Variants in JARID2 observed in about 807,000 individuals in gnomAD.
JARID2 encodes jumonji and AT-rich interaction domain containing 2.
Under a neutral mutation model 125.6 loss-of-function variants are expected in JARID2, and 21 were observed. The observed-to-expected ratio is 0.17, with a 90% CI of 0.12 to 0.24. The LOEUF is 0.24. Ranked by LOEUF, JARID2 falls within the 10% of genes least tolerant of loss-of-function variation. The pLI, the probability that JARID2 is intolerant of heterozygous loss-of-function variation, is 1.00. For missense variants in JARID2, 1,303 were observed against 1,639.6 expected (o/e 0.79, Z 3.55); for synonymous variants, 736 against 661.6 (o/e 1.11, Z -1.73).
intron 1 of JARID2, among the ~76,000 whole-genome samples, chr6:15,319,894 C>A (rs1183018273): frequency 6.6e-6 from 1 of 152,200 alleles, no homozygotes; most frequent in African/African-American, 2.4e-5. Flanking sequence ...TGCTTCACTG[C>A]ATCATTTACC....
At chr6:15,380,825 G>A (rs1301981825) in intron 2 of JARID2, among the ~76,000 whole-genome samples, 1 of 152,100 alleles carries the variant, frequency 6.6e-6, no homozygotes, top group East Asian at 1.9e-4. Flanking sequence ...TCATAAAAAC[G>A]TATTTGTGAA....
At chr6:15,361,016 A>G (rs1403959241) in intron 1 of JARID2, among the ~76,000 whole-genome samples, 3 of 152,194 alleles carry the variant, frequency 2.0e-5, no homozygotes, top group East Asian at 1.9e-4. Context: ...AAACCACCCA[A>G]CTACATTCAT....
In JARID2 at chr6:15,520,385, T is replaced by C; in HGVS notation, c.*134T>C. ...AGATTTTCTTCTGGTTTTAGAGAAC[T>C]AATTTTGTTTTAGCATTAAACTGTT... On this transcript the variant is annotated 3_prime_UTR_variant, in exon 18 of 18. Transcript: ENST00000341776. 1.4e-6 allele frequency: 1 copy of C among 705,692 alleles called. No individual in the cohort carries two copies. 43.7% of individuals were successfully genotyped at this position (705,692 alleles called of 1,614,324 possible). A position where few individuals can be genotyped will look rare whatever the true frequency, so the allele number is the denominator to read the frequency against.
chr6:15,357,170 A>G (rs544445754), intron 1 of JARID2, among the ~76,000 whole-genome samples: 1 of 152,244 alleles, frequency 6.6e-6, no homozygotes, highest in Non-Finnish European at 1.5e-5. Context: ...GATGTCCTTC[A>G]TGGCCTAGGA....
At chr6:15,291,609 G>A (rs1297439890) in intron 1 of JARID2, among the ~76,000 whole-genome samples, 1 of 152,212 alleles carries the variant, frequency 6.6e-6, no homozygotes, top group Non-Finnish European at 1.5e-5. Context: ...GCATTCAGGA[G>A]CAGTGTGTGG....
intron 6 of JARID2, among the ~76,000 whole-genome samples, chr6:15,495,289 C>CT (rs1333875759): frequency 2.0e-5 from 3 of 152,204 alleles, no homozygotes; most frequent in Non-Finnish European, 4.4e-5. Flanking sequence ...AAGACTGTCT[C>CT]TGTTTGCCCA....
intron 3 of JARID2, among the ~76,000 whole-genome samples, chr6:15,415,805 CTGGCCGGGCGG>C (rs1766157721): frequency 7.2e-6 from 1 of 138,412 alleles, no homozygotes; most frequent in Non-Finnish European, 1.6e-5. Context: ...GACGGGGCGG[CTGGCCGGGCGG>C]GGGGCTGACC....
At chr6:15,344,950 A>G (rs1455326870) in intron 1 of JARID2, among the ~76,000 whole-genome samples, 1 of 152,182 alleles carries the variant, frequency 6.6e-6, no homozygotes, top group East Asian at 1.9e-4. Context: ...TTTTTTGACA[A>G]GCTCAATTGA....
intron 1 of JARID2, among the ~76,000 whole-genome samples, chr6:15,274,170 T>C (rs936261498): frequency 3.9e-5 from 6 of 152,210 alleles, no homozygotes; most frequent in Admixed American, 2.0e-4. Context: ...CCTCAGGTGA[T>C]CCTCCTGCCT....
chr6:15,519,866 A>G (rs1004628588), intron 17 of JARID2, among the ~76,000 whole-genome samples: 1 of 152,072 alleles, frequency 6.6e-6, no homozygotes, highest in Non-Finnish European at 1.5e-5. Flanking sequence ...TGAAACGGCC[A>G]TGCCTGCTAT....
At chr6:15,502,418 G>A (rs1005075778) in intron 8 of JARID2, among the ~76,000 whole-genome samples, 4 of 152,232 alleles carry the variant, frequency 2.6e-5, no homozygotes, top group African/African-American at 7.2e-5. Flanking sequence ...GAAGGGAAGC[G>A]TTCTCTGCTC....
chr6:15,507,540 G>A (rs1771062449), intron 11 of JARID2, 124 bp downstream of exon 11: 1 of 699,254 alleles, frequency 1.4e-6, no homozygotes, highest in South Asian at 1.8e-5. Context: ...AGGCTTACAG[G>A]ACATACAGTG....
rs1561921464 is a variant in JARID2, at chr6:15,517,126, CTCCTGACCTTCGGGTG to C, written c.3451-29_3451-14del. The C allele has an allele frequency of 6.5e-7, 1 of 1,531,366 alleles. No individual in the cohort carries two copies. Among genetic ancestry groups the C allele is most frequent in the South Asian group, 1.1e-5 (1 of 89,432 alleles). 94.9% of individuals were successfully genotyped at this position (1,531,366 alleles called of 1,614,324 possible). Reference sequence around the variant, plus strand: ...CCCTCCCAGGGCGCTGTGGAGCTGCCTCCTGACCTTCGGGTGTCCTGCTCTTGCTTGCAGGTGGTAC... The same window carrying C: ...CCCTCCCAGGGCGCTGTGGAGCTGCCTCCTGCTCTTGCTTGCAGGTGGTAC... On this transcript the variant is annotated intron_variant, in intron 16 of 17. Coordinates refer to ENST00000341776, the MANE Select transcript of JARID2 (RefSeq NM_004973.4).
intron 2 of JARID2, among the ~76,000 whole-genome samples, chr6:15,402,039 G>A (rs1461382789): frequency 1.3e-5 from 2 of 151,900 alleles, no homozygotes; most frequent in African/African-American, 2.4e-5. Context: ...GTCCCTCCTA[G>A]TCATGCTACA....
chr6:15,278,968 G>A (rs1760648178), intron 1 of JARID2, among the ~76,000 whole-genome samples: 1 of 151,928 alleles, frequency 6.6e-6, no homozygotes, highest in Non-Finnish European at 1.5e-5. Context: ...TGAGGTTGAG[G>A]CATGAGAATC....
chr6:15,246,380 G>T lies in JARID2; in HGVS notation c.-160G>T. The T allele has an allele frequency of 3.4e-6, 2 of 580,490 alleles. No individual in the cohort carries two copies. The highest frequency in any genetic ancestry group is 3.0e-6 in the Non-Finnish European group (1 of 328,544). The allele number at this position is 580,490 out of a possible 1,614,324, so 36.0% of individuals were successfully genotyped here. ...CTTCCCAATTTCGGATTTATTTCAA[G>T]GCGAATCTGGCTTTGGGGGAAGAGG... is the stretch of plus-strand genomic sequence containing the variant. On this transcript the variant is annotated 5_prime_UTR_variant, in exon 1 of 18. In the 5' UTR this introduces an upstream ATG that the reference lacks. Transcript: ENST00000341776.
Position 15,504,578 on chromosome 6 carries a change from C to T in JARID2, c.2527C>T (p.Pro843Ser), listed in dbSNP as rs771707868. The change falls in exon 9 of 18, where the codon CCA (proline) becomes TCA (serine). Residue 843 changes from proline (P) to serine (S), a missense_variant. Physicochemically the swap from Pro to Ser is moderately conservative, Grantham distance 74. This residue lies in a region of JARID2 where 29 missense variants were observed against 47.7 expected (regional missense o/e 0.61). Coordinates refer to ENST00000341776, the MANE Select transcript of JARID2 (RefSeq NM_004973.4). ...MSMCFSKEPA[P>S]AEIEQEYWRL... ...CATGTGTTTCAGCAAGGAGCCTGCC[C>T]CAGCCGAAATCGAGGTGAGAGAAGG... The T allele has an allele frequency of 4.3e-6, 7 of 1,613,660 alleles. No individual in the cohort carries two copies. The highest frequency in any genetic ancestry group is 5.9e-6 in the Non-Finnish European group (7 of 1,179,608).
intron 1 of JARID2, among the ~76,000 whole-genome samples, chr6:15,278,215 G>T (rs1242593561): frequency 2.0e-5 from 3 of 152,048 alleles, no homozygotes; most frequent in Non-Finnish European, 4.4e-5. Flanking sequence ...CTGGGCAACA[G>T]AGTGAGACCC....
intron 4 of JARID2, among the ~76,000 whole-genome samples, chr6:15,468,202 G>A (rs1768838850): frequency 7.2e-6 from 1 of 139,186 alleles, no homozygotes; most frequent in Non-Finnish European, 1.5e-5. Flanking sequence ...TATTAATTTA[G>A]AGTAATCTCT....
Sources: gnomAD v4.1 joint callset for allele counts (sites outside exome capture counted in the v4.1 genomes callset) on GRCh38, gnomAD v4.1.1 for gene constraint, gnomAD v4.1.1 regional missense constraint, MANE v1.5 for transcripts, NCBI Gene and HGNC (gene_info 2026-07-23, HGNC 2026-07-21) for gene names.